The following C2CD3 variants were observed in gnomAD, a reference collection of about 807,000 sequenced individuals.
The protein encoded by C2CD3 is C2 domain-containing protein 3.
Under a neutral mutation model 234.0 loss-of-function variants are expected in C2CD3, and 148 were observed. The ratio of observed to expected loss-of-function variants is 0.63; its 90% CI spans 0.55 to 0.72. The LOEUF is 0.72. Ranked by LOEUF, C2CD3 falls within the 30% of genes least tolerant of loss-of-function variation. The pLI is 0.00. For missense variants in C2CD3, 2,577 were observed against 2,811.5 expected (o/e 0.92, Z 1.89); for synonymous variants, 1,000 against 1,035.4 (o/e 0.97, Z 0.66).
chr11:74,037,742 G>C (rs1952811456), intron 29 of C2CD3, 44 bp from the exon 30 acceptor site: 1 of 1,452,306 alleles, frequency 6.9e-7, no homozygotes, highest in Non-Finnish European at 9.6e-7. Flanking sequence ...GTAATTCATG[G>C]AGATTATGAA....
At position 74,082,675 on chromosome 11, in the gene C2CD3, G is replaced by T. The variant is rs930508763; in HGVS notation, c.4000+2206C>A. 2.6e-5 allele frequency among the ~76,000 whole-genome samples: 4 copies of T among 152,128 alleles called. No homozygotes were observed. In the East Asian group the frequency reaches 7.7e-4, roughly 29 times the overall value. On this transcript the variant is annotated intron_variant, in intron 22 of 32. Coordinates refer to ENST00000334126, the MANE Select transcript of C2CD3 (RefSeq NM_001286577.2). Reference sequence around the variant, plus strand: ...GGATAAGCTTTTTGATATGCTGCTGGATTCGCCCCCCTGTCCCTCCCCCAA... The same window carrying T: ...GGATAAGCTTTTTGATATGCTGCTGTATTCGCCCCCCTGTCCCTCCCCCAA...
At chr11:74,137,882 G>A (rs1565336168) in intron 5 of C2CD3, among the ~76,000 whole-genome samples, 1 of 152,088 alleles carries the variant, frequency 6.6e-6, no homozygotes, top group Admixed American at 6.5e-5. Context: ...CACCGTGCCC[G>A]GCCCGTGTAT....
At chr11:74,070,411 GA>G (rs1954739732) in intron 24 of C2CD3, 1 of 152,220 alleles carries the variant, frequency 6.6e-6, no homozygotes, top group South Asian at 2.1e-4. Context: ...CCTTAAGAAA[GA>G]GCTTCCAAGG....
chr11:74,157,223 A>T lies in C2CD3; in HGVS notation c.483+4176T>A, dbSNP rs1413833176. On this transcript the variant is annotated intron_variant, in intron 3 of 32. Coordinates refer to ENST00000334126, the MANE Select transcript of C2CD3 (RefSeq NM_001286577.2). Reference sequence around the variant, plus strand: ...TTGAATAAATTGTTTTCATTTTCCCAATATTAAAAATGTATTTCCAATACT... The same window carrying T: ...TTGAATAAATTGTTTTCATTTTCCCTATATTAAAAATGTATTTCCAATACT... Among the ~76,000 whole-genome samples the T allele has an allele frequency of 4.6e-5, 7 of 152,232 alleles. No homozygotes were observed. The South Asian group carries it at 1.4e-3, about 31-fold the overall frequency.
At chr11:74,131,478 T>C (rs1024065711) in intron 7 of C2CD3, among the ~76,000 whole-genome samples, 1 of 152,186 alleles carries the variant, frequency 6.6e-6, no homozygotes, top group African/African-American at 2.4e-5. Flanking sequence ...TATTTTTATA[T>C]GTTGCTGGGT....
chr11:74,119,846 G>A (rs1957152691), intron 8 of C2CD3, among the ~76,000 whole-genome samples: 1 of 151,998 alleles, frequency 6.6e-6, no homozygotes, highest in East Asian at 1.9e-4. Context: ...ATGTTGTCCA[G>A]GCTGGTCTCG....
intron 22 of C2CD3, among the ~76,000 whole-genome samples, chr11:74,081,822 A>C (rs2135470234): frequency 6.6e-6 from 1 of 152,298 alleles, no homozygotes; most frequent in Admixed American, 6.5e-5. Flanking sequence ...TGATTTTTGC[A>C]CATTGATTTT....
intron 32 of C2CD3, among the ~76,000 whole-genome samples, chr11:74,026,143 T>C (rs1352095404): frequency 1.3e-5 from 2 of 152,004 alleles, no homozygotes; most frequent in African/African-American, 4.8e-5. Context: ...AGACCCCGTC[T>C]CTAAGAAGAA....
At chr11:74,077,993 T>C in intron 23 of C2CD3, 122 bp downstream of exon 23, 1 of 1,205,010 alleles carries the variant, frequency 8.3e-7, no homozygotes, top group Non-Finnish European at 1.1e-6. Flanking sequence ...ATGGGTATAA[T>C]ACCTATCTCA....
chr11:74,108,983 TC>T (rs756210033), intron 12 of C2CD3, 50 bp downstream of exon 12: 3 of 894,554 alleles, frequency 3.4e-6, no homozygotes, highest in Non-Finnish European at 5.6e-6. Context: ...TTAGGTATCC[TC>T]CAAATCCCTA....
chr11:74,136,361 T>TG (rs1259584905), intron 5 of C2CD3, among the ~76,000 whole-genome samples: 5 of 152,186 alleles, frequency 3.3e-5, no homozygotes, highest in Admixed American at 3.3e-4. Context: ...GCCCATGGGT[T>TG]GTGCATGGCA....
chr11:74,050,776 T>C (rs2135431583), intron 26 of C2CD3, among the ~76,000 whole-genome samples: 1 of 147,100 alleles, frequency 6.8e-6, no homozygotes, highest in South Asian at 2.1e-4. Context: ...TATTACACTA[T>C]GTTCCCTACA....
At chr11:74,081,646 ACCAC>A (rs1338473018) in intron 22 of C2CD3, among the ~76,000 whole-genome samples, 2 of 152,126 alleles carry the variant, frequency 1.3e-5, no homozygotes, top group Non-Finnish European at 2.9e-5. Context: ...CATCATCATC[ACCAC>A]CATCTTTCTT....
intron 3 of C2CD3, among the ~76,000 whole-genome samples, chr11:74,146,630 G>T (rs767888802): frequency 1.2e-4 from 18 of 151,582 alleles, no homozygotes; most frequent in Admixed American, 4.6e-4. Context: ...TAAATCCAAG[G>T]TGGCAACACT....
At chr11:74,088,542 AAC>A (rs1296132465) in intron 20 of C2CD3, among the ~76,000 whole-genome samples, 1 of 152,230 alleles carries the variant, frequency 6.6e-6, no homozygotes, top group Admixed American at 6.5e-5. Context: ...ATTTAGAACA[AAC>A]TGCCTGTCAT....
At chr11:74,118,909 T>C (rs1957120079) in intron 8 of C2CD3, among the ~76,000 whole-genome samples, 1 of 150,274 alleles carries the variant, frequency 6.7e-6, no homozygotes, top group Admixed American at 6.6e-5. Flanking sequence ...TAGACTATTT[T>C]TTTTTTTTTT....
At chr11:74,083,107 AGAC>A (rs1565271644) in intron 22 of C2CD3, among the ~76,000 whole-genome samples, 1 of 149,668 alleles carries the variant, frequency 6.7e-6, no homozygotes, top group Non-Finnish European at 1.5e-5. Flanking sequence ...ATTGACCAAT[AGAC>A]AGAACAGAGG....
rs1953101471 is a variant in C2CD3 at position 74,042,223 on chromosome 11, C to CAAATAATAAAAA, written c.5496-6_5496-5insTTTTTATTATTT. On this transcript the variant is annotated splice_polypyrimidine_tract_variant and splice_region_variant and intron_variant, in intron 28 of 32. Coordinates refer to ENST00000334126, the MANE Select transcript of C2CD3 (RefSeq NM_001286577.2). ...TGGCTTCTTGTGGTATCACTTCTGT[C>CAAATAATAAAAA]AAAAAAAAAAAAAAAAAAAGTAGGA... 9.6e-7 allele frequency: 1 copy of CAAATAATAAAAA among 1,037,760 alleles called. No individual in the cohort carries two copies. Among genetic ancestry groups the CAAATAATAAAAA allele is most frequent in the Non-Finnish European group, 1.3e-6 (1 of 799,890 alleles). The allele number at this position is 1,037,760 out of a possible 1,614,324, so 64.3% of individuals were successfully genotyped here.
At chr11:74,169,266 T>C (rs1216305360) in intron 1 of C2CD3, among the ~76,000 whole-genome samples, 1 of 152,240 alleles carries the variant, frequency 6.6e-6, no homozygotes, top group Non-Finnish European at 1.5e-5. Context: ...GGTTCATATA[T>C]TTATTGGCTT....
Sources: gnomAD v4.1 joint callset for allele counts (sites outside exome capture counted in the v4.1 genomes callset) on GRCh38, gnomAD v4.1.1 for gene constraint, MANE v1.5 for transcripts, NCBI Gene and HGNC (gene_info 2026-07-23, HGNC 2026-07-21) for gene names.